The following R3HDM1 variants were observed in gnomAD, a reference collection of about 807,000 sequenced individuals.
The protein encoded by R3HDM1 is R3H domain-containing protein 1.
A neutral mutation model predicts 141.1 loss-of-function variants in R3HDM1; 46 were observed. That is an observed-to-expected ratio of 0.33 (90% CI 0.26 to 0.42). The LOEUF (loss-of-function observed/expected upper bound fraction) is 0.42, where lower values mean the gene tolerates loss of function less well. Ranked by LOEUF, R3HDM1 falls within the 10% of genes least tolerant of loss-of-function variation. The pLI is 1.00. For missense variants in R3HDM1, 1,184 were observed against 1,368.3 expected, an observed-to-expected ratio of 0.87 and a Z score of 2.12; for synonymous variants, 435 against 472.9, an observed-to-expected ratio of 0.92 and a Z score of 1.04.
chr2:135,579,198 T>C (rs1160696101), intron 1 of R3HDM1, among the ~76,000 whole-genome samples: 1 of 152,126 alleles, frequency 6.6e-6, no homozygotes, highest in African/African-American at 2.4e-5. Flanking sequence ...CAGAAAGTAA[T>C]TCAAAAAATG....
chr2:135,545,191 T>C lies in R3HDM1; in HGVS notation c.-250+13558T>C, dbSNP rs143455805. On this transcript the variant is annotated intron_variant, in intron 1 of 26. Transcript: ENST00000683871. ...GGATTGTTGCCCACCCAGGACGTTA[T>C]GGATTCACTCAGCATTCATTCATGA... 6.4e-4 allele frequency among the ~76,000 whole-genome samples: 98 copies of C among 152,344 alleles called. 1 individual carries two copies. In the East Asian group the frequency reaches 7.1e-3, roughly 11 times the overall value.
intron 26 of R3HDM1, 47 bp from the exon 27 acceptor site, chr2:135,723,889 CT>C (rs2076951369): frequency 1.4e-6 from 2 of 1,452,440 alleles, no homozygotes; most frequent in Non-Finnish European, 1.9e-6. Context: ...TTTTACCCAA[CT>C]TTTTTGGTAA....
chr2:135,552,967 C>G (rs1039902484), intron 1 of R3HDM1, among the ~76,000 whole-genome samples: 1 of 152,062 alleles, frequency 6.6e-6, no homozygotes, highest in Non-Finnish European at 1.5e-5. Context: ...CAGCCTCACC[C>G]TCTTGGGCTC....
chr2:135,550,237 A>T, intron 1 of R3HDM1: 1 of 982,156 alleles, frequency 1.0e-6, no homozygotes, highest in Non-Finnish European at 1.2e-6. Flanking sequence ...AAATTAAAGC[A>T]AAGAAAGGGT....
intron 1 of R3HDM1, 121 bp from the exon 2 acceptor site, chr2:135,602,379 G>A (rs916456167): frequency 7.3e-6 from 5 of 687,242 alleles, no homozygotes; most frequent in South Asian, 6.6e-5. Context: ...TCTGACTTTC[G>A]TTTAGGAAAA....
At chr2:135,624,701 A>G (rs1268603004) in intron 7 of R3HDM1, among the ~76,000 whole-genome samples, 2 of 152,240 alleles carry the variant, frequency 1.3e-5, no homozygotes, top group African/African-American at 2.4e-5. Context: ...AAATAGGGCC[A>G]TACCATAATG....
At chr2:135,618,756 C>T (rs1407836872) in intron 5 of R3HDM1, among the ~76,000 whole-genome samples, 2 of 152,016 alleles carry the variant, frequency 1.3e-5, no homozygotes, top group African/African-American at 2.4e-5. Flanking sequence ...CAGTGGCTCG[C>T]GCCTGTAATC....
intron 1 of R3HDM1, among the ~76,000 whole-genome samples, chr2:135,576,162 G>A (rs1705372592): frequency 6.6e-6 from 1 of 152,072 alleles, no homozygotes; most frequent in Non-Finnish European, 1.5e-5. Flanking sequence ...CAATGGGAGG[G>A]CAAGGCAGGG....
chr2:135,590,335 G>T (rs573304813), intron 1 of R3HDM1, among the ~76,000 whole-genome samples: 85 of 152,172 alleles, frequency 5.6e-4, no homozygotes, highest in African/African-American at 1.9e-3. Context: ...GAGAGAGAGA[G>T]CAGAACATTT....
At chr2:135,698,918 C>T (rs2073702989) in intron 21 of R3HDM1, among the ~76,000 whole-genome samples, 1 of 151,776 alleles carries the variant, frequency 6.6e-6, no homozygotes, top group Non-Finnish European at 1.5e-5. Context: ...CCACCTCCAG[C>T]GTTGGGGATT....
intron 1 of R3HDM1, among the ~76,000 whole-genome samples, chr2:135,562,410 A>C (rs1232441796): frequency 1.3e-5 from 2 of 152,230 alleles, no homozygotes; most frequent in Non-Finnish European, 2.9e-5. Flanking sequence ...GTATTAGATG[A>C]TATGACTTAT....
chr2:135,613,795 G>C (rs1306777211), intron 3 of R3HDM1, among the ~76,000 whole-genome samples: 1 of 152,140 alleles, frequency 6.6e-6, no homozygotes, highest in African/African-American at 2.4e-5. Context: ...CAGCCTGGGC[G>C]ACAGAGTGAG....
At chr2:135,616,385 G>A (rs1410312388) in intron 4 of R3HDM1, among the ~76,000 whole-genome samples, 192 bp downstream of exon 4, 1 of 152,108 alleles carries the variant, frequency 6.6e-6, no homozygotes, top group Non-Finnish European at 1.5e-5. Flanking sequence ...TATCTTGATG[G>A]TTCTTTATCT....
At chr2:135,622,119 A>G (rs2061566906) in intron 6 of R3HDM1, 2 of 982,092 alleles carry the variant, frequency 2.0e-6, no homozygotes, top group African/African-American at 3.5e-5. Flanking sequence ...TAAAGATACT[A>G]CATTTAAGGC....
chr2:135,569,852 G>C lies in R3HDM1; in HGVS notation c.-249-32648G>C, dbSNP rs567694948. Among the ~76,000 whole-genome samples the C allele has an allele frequency of 1.6e-3, 245 of 151,506 alleles. 4 individuals are homozygous for C. Among genetic ancestry groups the C allele is most frequent in the African/African-American group, 5.5e-3 (225 of 41,156 alleles). On this transcript the variant is annotated intron_variant, in intron 1 of 26. Coordinates refer to ENST00000683871, the MANE Select transcript of R3HDM1 (RefSeq NM_001378107.1). ...CGCCATTCTCCTGCCTCAGCCTCCC[G>C]AGTAGCTGGGACTACAGGTGCCCAC...
intron 18 of R3HDM1, among the ~76,000 whole-genome samples, chr2:135,652,585 C>A (rs1226775873): frequency 6.6e-6 from 1 of 152,158 alleles, no homozygotes; most frequent in Non-Finnish European, 1.5e-5. Context: ...CATCTATGTT[C>A]ATGAAGGATA....
chr2:135,537,409 C>T (rs927289116), intron 1 of R3HDM1, among the ~76,000 whole-genome samples: 19 of 150,296 alleles, frequency 1.3e-4, no homozygotes, highest in Middle Eastern at 3.4e-3. Context: ...CCTCAGCCCC[C>T]CCAAGTAGCT....
At chr2:135,668,631 A>G (rs1419015658) in intron 19 of R3HDM1, among the ~76,000 whole-genome samples, 1 of 152,198 alleles carries the variant, frequency 6.6e-6, no homozygotes, top group African/African-American at 2.4e-5. Flanking sequence ...GGATGTAAAA[A>G]TGAATGAAAT....
chr2:135,706,127 T>C (rs2074875520), intron 21 of R3HDM1, among the ~76,000 whole-genome samples: 2 of 141,420 alleles, frequency 1.4e-5, no homozygotes, highest in Admixed American at 7.2e-5. Context: ...AGACTCCATC[T>C]CGAAAAAAAA....
Sources: gnomAD v4.1 joint callset for allele counts (sites outside exome capture counted in the v4.1 genomes callset) on GRCh38, gnomAD v4.1.1 for gene constraint, MANE v1.5 for transcripts, NCBI Gene and HGNC (gene_info 2026-07-23, HGNC 2026-07-21) for gene names.